Variants in ANO10 observed in about 807,000 individuals in gnomAD.
ANO10 encodes the protein anoctamin-10.
Under a neutral mutation model 74.7 loss-of-function variants are expected in ANO10, and 77 were observed. The observed-to-expected ratio is 1.03, with a 90% CI of 0.86 to 1.25. ANO10 has a LOEUF of 1.25. Ranked by LOEUF, ANO10 falls within the 50% of genes most tolerant of loss-of-function variation. ANO10 has a pLI of 0.00. For synonymous variants in ANO10, 279 were observed against 284.9 expected (o/e 0.98, Z 0.21); for missense variants, 721 against 778.1 (o/e 0.93, Z 0.87).
intron 11 of ANO10, among the ~76,000 whole-genome samples, chr3:43,469,212 T>G (rs2075756680): frequency 6.7e-6 from 1 of 149,974 alleles, no homozygotes; most frequent in African/African-American, 2.5e-5. Flanking sequence ...CCGGCTAATT[T>G]TTTTTTTGTA....
chr3:43,565,269 G>A (rs1257809317), intron 8 of ANO10, among the ~76,000 whole-genome samples: 1 of 149,330 alleles, frequency 6.7e-6, no homozygotes, highest in East Asian at 1.9e-4. Flanking sequence ...GGTCTCTAAA[G>A]TTTAACAACT....
intron 11 of ANO10, among the ~76,000 whole-genome samples, chr3:43,496,536 C>T (rs2076920083): frequency 2.0e-5 from 3 of 151,982 alleles, no homozygotes; most frequent in Admixed American, 1.3e-4. Context: ...CAAGCTCAAG[C>T]AATCCTCCTA....
At chr3:43,400,998 T>C (rs556495255) in intron 12 of ANO10, among the ~76,000 whole-genome samples, 1 of 152,364 alleles carries the variant, frequency 6.6e-6, no homozygotes, top group East Asian at 1.9e-4. Context: ...TGGACTTTAG[T>C]CTGCCTTTAT....
At chr3:43,598,491 T>C in intron 4 of ANO10, 41 bp downstream of exon 4, 1 of 1,604,452 alleles carries the variant, frequency 6.2e-7, no homozygotes, top group Non-Finnish European at 8.5e-7. Flanking sequence ...ATTTGCTATT[T>C]ATGTCTATTA....
chr3:43,537,810 A>C (rs556745754), intron 11 of ANO10, among the ~76,000 whole-genome samples: 1 of 152,324 alleles, frequency 6.6e-6, no homozygotes, highest in South Asian at 2.1e-4. Context: ...AGTTAGGAGG[A>C]AATTATAGTA....
intron 12 of ANO10, among the ~76,000 whole-genome samples, chr3:43,369,083 C>T (rs576247467): frequency 7.0e-4 from 107 of 152,360 alleles, no homozygotes; most frequent in Non-Finnish European, 1.1e-3. Flanking sequence ...GCCTTCTCCT[C>T]CAAATGACCA....
At chr3:43,553,692 C>A (rs879414142) in intron 10 of ANO10, among the ~76,000 whole-genome samples, 1 of 151,986 alleles carries the variant, frequency 6.6e-6, no homozygotes, top group African/African-American at 2.4e-5. Flanking sequence ...CCCACCACCA[C>A]GCCCAGCTAA....
intron 1 of ANO10, among the ~76,000 whole-genome samples, chr3:43,611,376 T>C (rs1161302561): frequency 6.6e-6 from 1 of 152,204 alleles, no homozygotes. Context: ...CTATTACATA[T>C]GTCAGGATTT....
At chr3:43,598,839 A>T (rs973608533) in intron 3 of ANO10, among the ~76,000 whole-genome samples, 173 bp from the exon 4 acceptor site, 1 of 152,258 alleles carries the variant, frequency 6.6e-6, no homozygotes, top group Admixed American at 6.5e-5. Context: ...ATTTTATAAG[A>T]ATAAAAAAAT....
intron 12 of ANO10, chr3:43,372,694 A>C: frequency 1.5e-6 from 1 of 660,840 alleles, no homozygotes; most frequent in Non-Finnish European, 2.6e-6. Context: ...CATTGTTTGC[A>C]GATTTTTTTT....
At chr3:43,567,279 A>C (rs1165306835) in intron 7 of ANO10, among the ~76,000 whole-genome samples, 4 of 151,954 alleles carry the variant, frequency 2.6e-5, no homozygotes, top group Non-Finnish European at 5.9e-5. Flanking sequence ...ATCCAGGAGA[A>C]CTTCCCCAAT....
At chr3:43,611,353 A>G (rs2082811584) in intron 1 of ANO10, among the ~76,000 whole-genome samples, 1 of 152,184 alleles carries the variant, frequency 6.6e-6, no homozygotes, top group South Asian at 2.1e-4. Flanking sequence ...TGAGAAATCT[A>G]TTATGTTTGA....
chr3:43,415,744 G>T (rs2092728617), intron 12 of ANO10, among the ~76,000 whole-genome samples: 1 of 151,952 alleles, frequency 6.6e-6, no homozygotes, highest in East Asian at 1.9e-4. Flanking sequence ...GTTTCACCAT[G>T]TTGGCCAGGC....
At chr3:43,589,391 G>A (rs564446230) in intron 4 of ANO10, among the ~76,000 whole-genome samples, 1 of 152,038 alleles carries the variant, frequency 6.6e-6, no homozygotes, top group Admixed American at 6.5e-5. Context: ...ATTCCTTTAT[G>A]AACTGAAGCA....
chr3:43,626,240 C>T (rs2083490203), upstream of ANO10, among the ~76,000 whole-genome samples: 1 of 144,350 alleles, frequency 6.9e-6, no homozygotes. Flanking sequence ...GGCCCAATTA[C>T]TTTTTAAATT....
chr3:43,565,264 C>T (rs2080255166), intron 8 of ANO10, among the ~76,000 whole-genome samples: 1 of 152,056 alleles, frequency 6.6e-6, no homozygotes, highest in Non-Finnish European at 1.5e-5. Flanking sequence ...CCACTGGTCT[C>T]TAAAGTTTAA....
chr3:43,522,294 AATT>A (rs1421506472), intron 11 of ANO10, among the ~76,000 whole-genome samples: 1 of 152,102 alleles, frequency 6.6e-6, no homozygotes, highest in Non-Finnish European at 1.5e-5. Context: ...TAAAATTGCA[AATT>A]ATGTTATTAT....
At chr3:43,446,041 C>T (rs981454654) in intron 11 of ANO10, among the ~76,000 whole-genome samples, 1 of 152,108 alleles carries the variant, frequency 6.6e-6, no homozygotes, top group African/African-American at 2.4e-5. Flanking sequence ...AGACAAGAAG[C>T]CTGGCGGAGA....
At chr3:43,665,504 C>T (rs769396424) in intron 1 of ANO10, among the ~76,000 whole-genome samples, 41 of 152,052 alleles carry the variant, frequency 2.7e-4, no homozygotes, top group Admixed American at 7.2e-4. Context: ...CACATGTAAC[C>T]GAGAACTTAA....
Sources: gnomAD v4.1 joint callset for allele counts (sites outside exome capture counted in the v4.1 genomes callset) on GRCh38, gnomAD v4.1.1 for gene constraint, MANE v1.5 for transcripts, NCBI Gene and HGNC (gene_info 2026-07-23, HGNC 2026-07-21) for gene names.